Variants in CCDC127 observed in about 807,000 individuals in gnomAD.
CCDC127 encodes the protein coiled-coil domain-containing protein 127.
A neutral mutation model predicts 4.1 loss-of-function variants in CCDC127; 2 were observed. The ratio of observed to expected loss-of-function variants is 0.49; its 90% confidence interval spans 0.20 to 1.53. The LOEUF (loss-of-function observed/expected upper bound fraction) is 1.53, where lower values mean the gene tolerates loss of function less well. CCDC127 is among the 40% of genes most tolerant of loss of function. The probability of loss-of-function intolerance (pLI) is 0.23; values close to 1 mark genes in which losing one functional copy is unlikely to be tolerated. For missense variants in CCDC127, 271 were observed against 322.9 expected, an observed-to-expected ratio of 0.84 and a Z score of 1.23; for synonymous variants, 98 against 120.4, an observed-to-expected ratio of 0.81 and a Z score of 1.22.
rs186457537 is a variant in CCDC127 at position 203,648 on chromosome 5, G to A, written c.*1649C>T. On this transcript the variant is annotated 3_prime_UTR_variant, in exon 3 of 3. Coordinates refer to ENST00000296824, the MANE Select transcript of CCDC127 (RefSeq NM_145265.3). ...CCTACTCCCGTACAGACGGGCAGGA[G>A]GGGAGAACATGGCCCTTGAAAGCAG... 1 of 152,318 alleles carries A rather than the reference G, an allele frequency of 6.6e-6. No individual in the cohort carries two copies. The highest frequency in any genetic ancestry group is 2.4e-5 in the African/African-American group (1 of 41,566). The allele number at this position is 152,318 out of a possible 1,614,324, so 9.4% of individuals were successfully genotyped here.
rs186699191 is a variant in CCDC127, at chr5:197,354, G to C, written c.*7943C>G. The C allele has an allele frequency of 2.6e-5, 4 of 152,182 alleles. No homozygotes were observed. The highest frequency in any genetic ancestry group is 4.8e-5 in the African/African-American group (2 of 41,416). 9.4% of individuals were successfully genotyped at this position (152,182 alleles called of 1,614,324 possible). ...ACCCATGTCAGCACAGACCCTTTAC[G>C]GGTGTCGGGCTGGGGGACGGTCAGG... On this transcript the variant is annotated 3_prime_UTR_variant, in exon 3 of 3. Transcript: ENST00000296824.
chr5:212,196 A>G (rs1434703636), intron 2 of CCDC127, among the ~76,000 whole-genome samples: 438 of 8,408 alleles, frequency 0.052, no homozygotes, highest in Non-Finnish European at 0.064. Context: ...GCTCGACATC[A>G]CACACTGCAG....
At chr5:207,403 G>A (rs954065945) in intron 2 of CCDC127, among the ~76,000 whole-genome samples, 12 of 152,276 alleles carry the variant, frequency 7.9e-5, no homozygotes, top group Admixed American at 6.5e-4. Flanking sequence ...CACTTGATAA[G>A]CACTGAGGGG....
rs1734116390 is a variant in CCDC127 at position 203,772 on chromosome 5, G to C, written c.*1525C>G. Reference sequence around the variant, plus strand: ...GAGAAAAGGTGCCCGGGCTCAGACTGGCTCCAACACTACTACCTGCGTGAC... The same window carrying C: ...GAGAAAAGGTGCCCGGGCTCAGACTCGCTCCAACACTACTACCTGCGTGAC... On this transcript the variant is annotated 3_prime_UTR_variant, in exon 3 of 3. Transcript: ENST00000296824. 6.6e-6 allele frequency: 1 copy of C among 152,258 alleles called. No individual in the cohort carries two copies. Among genetic ancestry groups the C allele is most frequent in the African/African-American group, 2.4e-5 (1 of 41,452 alleles). 9.4% of individuals were successfully genotyped at this position (152,258 alleles called of 1,614,324 possible).
At chr5:215,880 G>A (rs1734370537) in intron 2 of CCDC127, 1 of 152,040 alleles carries the variant, frequency 6.6e-6, no homozygotes, top group Non-Finnish European at 1.5e-5. Context: ...CTCTGCATCA[G>A]TGAATTGATT....
At position 197,338 on chromosome 5, in the gene CCDC127, A is replaced by G. The variant is rs1238761762; in HGVS notation, c.*7959T>C. 2.6e-5 allele frequency: 4 copies of G among 152,234 alleles called. No homozygotes were observed. The highest frequency in any genetic ancestry group is 2.6e-4 in the Admixed American group (4 of 15,288). 9.4% of individuals were successfully genotyped at this position (152,234 alleles called of 1,614,324 possible). On this transcript the variant is annotated 3_prime_UTR_variant, in exon 3 of 3. Transcript: ENST00000296824. Reference sequence around the variant, plus strand: ...CTTTCGTCTTTTACTAACCCATGTCAGCACAGACCCTTTACGGGTGTCGGG... The same window carrying G: ...CTTTCGTCTTTTACTAACCCATGTCGGCACAGACCCTTTACGGGTGTCGGG...
At chr5:213,771 C>T (rs977019193) in intron 2 of CCDC127, 2 of 143,678 alleles carry the variant, frequency 1.4e-5, no homozygotes, top group Non-Finnish European at 3.0e-5. Context: ...TGCAGCAACT[C>T]GGGAAACATT....
chr5:212,425 G>C lies in CCDC127; in HGVS notation c.121+4304C>G, dbSNP rs1483975231. ...ACCACACACCCATCATGATGGGGCA[G>C]ACTGGACAGCAATGTGAGCACGCTG... is the stretch of plus-strand genomic sequence containing the variant. On this transcript the variant is annotated intron_variant, in intron 2 of 2. Coordinates refer to ENST00000296824, the MANE Select transcript of CCDC127 (RefSeq NM_145265.3). 6.4e-4 allele frequency among the ~76,000 whole-genome samples: 24 copies of C among 37,698 alleles called. 10 individuals are homozygous for C. Among genetic ancestry groups the C allele is most frequent in the Non-Finnish European group, 1.3e-3 (24 of 18,066 alleles). The allele number at this position is 37,698 out of a possible 152,430, so 24.7% of individuals were successfully genotyped here. A position where few individuals can be genotyped will look rare whatever the true frequency, so the allele number is the denominator to read the frequency against.
rs1339628142 is a variant in CCDC127, at chr5:205,471, T to C, written c.609A>G (p.Leu203=). ...TGTCGGTGAGACCGGCTGCCATCTC[T>C]AGGTCAGCGGCGACGGGGTCGACGG... is the stretch of plus-strand genomic sequence containing the variant. ...RASVDPVAAD[L]EMAAGLTDIF... Residue 203 remains leucine (L), a synonymous_variant, in exon 3 of 3, where the codon CTA becomes CTG. Transcript: ENST00000296824. The C allele has an allele frequency of 1.2e-6, 2 of 1,614,136 alleles. No homozygotes were observed. The highest frequency in any genetic ancestry group is 1.7e-6 in the Non-Finnish European group (2 of 1,179,960).
chr5:215,586 T>C (rs1395824281), intron 2 of CCDC127: 1 of 152,144 alleles, frequency 6.6e-6, no homozygotes, highest in African/African-American at 2.4e-5. Flanking sequence ...GCTTTTTACA[T>C]GGCAGCCCCT....
intron 2 of CCDC127, among the ~76,000 whole-genome samples, chr5:212,428 T>A (rs377750869): frequency 3.8e-5 from 1 of 26,102 alleles, no homozygotes; most frequent in African/African-American, 2.1e-4. Flanking sequence ...TGGGGCAGAC[T>A]GGACAGCAAT....
At chr5:206,005 A>C (rs372310089) in intron 2 of CCDC127, 47 bp from the exon 3 acceptor site, 60 of 1,505,888 alleles carry the variant, frequency 4.0e-5, no homozygotes, top group Non-Finnish European at 5.2e-5. Context: ...GTTAGGGCTG[A>C]AGTTCTATAA....
chr5:214,149 T>C (rs904178896), intron 2 of CCDC127: 1 of 152,198 alleles, frequency 6.6e-6, no homozygotes, highest in Non-Finnish European at 1.5e-5. Context: ...GTTCTGGAGA[T>C]GAAGAACAGA....
chr5:205,895 C>A lies in CCDC127; in HGVS notation c.185G>T (p.Arg62Ile). 6.2e-7 allele frequency: 1 copy of A among 1,614,198 alleles called. No individual in the cohort carries two copies. The highest frequency in any genetic ancestry group is 8.5e-7 in the Non-Finnish European group (1 of 1,180,028). The change falls in exon 3 of 3, where the codon AGA becomes ATA. Residue 62 changes from arginine to isoleucine, a missense_variant. This residue lies in a region of CCDC127 where 265 missense variants were observed against 270.9 expected (regional missense o/e 0.98). Coordinates refer to ENST00000296824, the MANE Select transcript of CCDC127 (RefSeq NM_145265.3). ...CAGATCCTGTTGAAAAGCAGCAGTT[C>A]TCCGACGGTAGGCTTCTCTCTCTTT... ...VEKEREAYRR[R>I]TAAFQQDLEA...
chr5:213,554 G>A (rs1460625836), intron 2 of CCDC127, among the ~76,000 whole-genome samples: 2 of 145,496 alleles, frequency 1.4e-5, no homozygotes, highest in Admixed American at 1.4e-4. Context: ...CTGCAGCCAC[G>A]ACGAGACAGC....
chr5:217,181 G>C, intron 1 of CCDC127: 2 of 206,520 alleles, frequency 9.7e-6, no homozygotes, highest in East Asian at 1.5e-4. Context: ...AACTTAAGAT[G>C]AAAGCGACTC....
At chr5:211,231 G>A (rs1308484809) in intron 2 of CCDC127, among the ~76,000 whole-genome samples, 35 of 118,802 alleles carry the variant, frequency 2.9e-4, no homozygotes, top group Non-Finnish European at 4.0e-4. Flanking sequence ...CAGCCATGAC[G>A]AGACAGCACC....
At chr5:208,819 G>C (rs193245256) in intron 2 of CCDC127, among the ~76,000 whole-genome samples, 474 of 152,314 alleles carry the variant, frequency 3.1e-3, no homozygotes, top group African/African-American at 0.011. Flanking sequence ...CAGTGTTTCA[G>C]CACGTAATGC....
In CCDC127 at chr5:205,917, C is replaced by T; in HGVS notation, c.163G>A (p.Glu55Lys). The change falls in exon 3 of 3, where the codon GAG becomes AAG. Residue 55 changes from glutamate to lysine, a missense_variant. By Grantham distance (56) the Glu-to-Lys change is moderately conservative. Coordinates refer to ENST00000296824, the MANE Select transcript of CCDC127 (RefSeq NM_145265.3). Reference protein sequence around the residue: ...SRESQKEVEKEREAYRRRTAA... With the variant: ...SRESQKEVEKKREAYRRRTAA... ...GTTCTCCGACGGTAGGCTTCTCTCTCTTTTTCTACTTCTTTCTGGGACTCC... is the reference window on the plus strand; with the variant it reads ...GTTCTCCGACGGTAGGCTTCTCTCTTTTTTTCTACTTCTTTCTGGGACTCC... 1 of 1,613,796 alleles carries T rather than the reference C, an allele frequency of 6.2e-7. No individual in the cohort carries two copies. Among genetic ancestry groups the T allele is most frequent in the South Asian group, 1.1e-5 (1 of 91,036 alleles).
Sources: allele counts gnomAD v4.1 joint callset (sites outside exome capture counted in the v4.1 genomes callset), GRCh38; gene constraint gnomAD v4.1.1; regional missense constraint gnomAD v4.1.1; transcripts MANE v1.5; gene names NCBI Gene and HGNC (gene_info 2026-07-23, HGNC 2026-07-21).